The following LUZP2 variants were observed in gnomAD, a reference collection of about 807,000 sequenced individuals.
LUZP2 encodes leucine zipper protein 2.
Under a neutral mutation model 51.6 loss-of-function variants are expected in LUZP2, and 52 were observed. The ratio of observed to expected loss-of-function variants is 1.01; its 90% CI spans 0.81 to 1.27. The LOEUF is 1.27. LUZP2 is among the 50% of genes most tolerant of loss of function. The pLI is 0.00. For missense variants in LUZP2, 436 were observed against 395.4 expected, an observed-to-expected ratio of 1.10 and a Z score of -0.87; for synonymous variants, 154 against 137.3, an observed-to-expected ratio of 1.12 and a Z score of -0.85.
At chr11:25,015,047 G>T (rs924982705) in intron 9 of LUZP2, among the ~76,000 whole-genome samples, 6 of 152,114 alleles carry the variant, frequency 3.9e-5, no homozygotes, top group Non-Finnish European at 7.4e-5. Context: ...GTTTGTCAAA[G>T]ATCAGATAGT....
chr11:25,064,251 A>G (rs998576678), intron 10 of LUZP2, among the ~76,000 whole-genome samples: 1 of 152,022 alleles, frequency 6.6e-6, no homozygotes, highest in African/African-American at 2.4e-5. Flanking sequence ...CTATATTGGC[A>G]TTCATATTTA....
intron 1 of LUZP2, among the ~76,000 whole-genome samples, chr11:24,521,516 G>T (rs775880444): frequency 6.6e-6 from 1 of 152,016 alleles, no homozygotes; most frequent in Admixed American, 6.6e-5. Context: ...GCATTTCAAG[G>T]TAAGGAAGAA....
chr11:25,022,452 G>T (rs1445167168), intron 9 of LUZP2, among the ~76,000 whole-genome samples: 1 of 151,990 alleles, frequency 6.6e-6, no homozygotes, highest in African/African-American at 2.4e-5. Context: ...TAAGGCATTA[G>T]GGTTGTGGAA....
intron 5 of LUZP2, among the ~76,000 whole-genome samples, chr11:24,897,564 C>T (rs779541688): frequency 3.3e-5 from 5 of 152,090 alleles, no homozygotes; most frequent in Non-Finnish European, 1.5e-5. Flanking sequence ...CAGTTTCACT[C>T]CTGAAGCCAG....
chr11:24,969,778 C>G (rs1855692419), intron 7 of LUZP2, among the ~76,000 whole-genome samples: 2 of 152,094 alleles, frequency 1.3e-5, no homozygotes, highest in African/African-American at 4.8e-5. Flanking sequence ...TCTCACCTAG[C>G]ATGTATGGCT....
chr11:24,816,850 T>G (rs906212782), intron 5 of LUZP2, among the ~76,000 whole-genome samples: 1 of 152,118 alleles, frequency 6.6e-6, no homozygotes, highest in African/African-American at 2.4e-5. Flanking sequence ...TTTCACATTC[T>G]TTTTCTGGGC....
intron 4 of LUZP2, among the ~76,000 whole-genome samples, chr11:24,751,033 T>C (rs1226674842): frequency 6.6e-6 from 1 of 152,150 alleles, no homozygotes; most frequent in Admixed American, 6.6e-5. Context: ...TACTTATTAA[T>C]CCTCATTAAG....
At chr11:25,072,068 T>A (rs960629928) in intron 10 of LUZP2, among the ~76,000 whole-genome samples, 2 of 152,010 alleles carry the variant, frequency 1.3e-5, no homozygotes, top group African/African-American at 4.8e-5. Flanking sequence ...TTCAGTTGAT[T>A]AAATTAAAGC....
intron 1 of LUZP2, among the ~76,000 whole-genome samples, chr11:24,657,044 T>A (rs556472065): frequency 6.6e-6 from 1 of 152,276 alleles, no homozygotes; most frequent in African/African-American, 2.4e-5. Context: ...ATAATAAAAG[T>A]CTTTGCTCCT....
At chr11:24,555,622 TGTACTGAGTCCAAAG>T (rs1851843884) in intron 1 of LUZP2, among the ~76,000 whole-genome samples, 1 of 152,098 alleles carries the variant, frequency 6.6e-6, no homozygotes, top group Admixed American at 6.6e-5. Context: ...ATGAAATAAA[TGTACTGAGTCCAAAG>T]ATATTCATTC....
At chr11:25,031,607 C>A (rs545491135) in intron 9 of LUZP2, among the ~76,000 whole-genome samples, 1 of 151,800 alleles carries the variant, frequency 6.6e-6, no homozygotes, top group East Asian at 1.9e-4. Flanking sequence ...TTTTCTATTC[C>A]CACAATTTGT....
intron 7 of LUZP2, among the ~76,000 whole-genome samples, chr11:24,947,407 G>A (rs1336785407): frequency 2.0e-5 from 3 of 151,842 alleles, no homozygotes; most frequent in African/African-American, 7.2e-5. Context: ...AGTAGAGGCA[G>A]ACACACTGAA....
chr11:24,900,237 A>T (rs1188856758), intron 5 of LUZP2, among the ~76,000 whole-genome samples: 4 of 152,188 alleles, frequency 2.6e-5, no homozygotes, highest in Non-Finnish European at 5.9e-5. Context: ...AAGCTTTATA[A>T]GGTTGGTCTA....
At chr11:24,522,564 G>T (rs1419826598) in intron 1 of LUZP2, among the ~76,000 whole-genome samples, 1 of 152,038 alleles carries the variant, frequency 6.6e-6, no homozygotes. Context: ...ATAGCTCATT[G>T]TCAAAAGCTC....
chr11:24,524,536 G>A (rs1021738035), intron 1 of LUZP2, among the ~76,000 whole-genome samples: 2 of 151,720 alleles, frequency 1.3e-5, no homozygotes, highest in African/African-American at 4.8e-5. Flanking sequence ...TTTCCCTGAA[G>A]TCTTTTGAAA....
At chr11:24,919,834 A>G (rs989192292) in intron 7 of LUZP2, among the ~76,000 whole-genome samples, 1 of 151,154 alleles carries the variant, frequency 6.6e-6, no homozygotes, top group Non-Finnish European at 1.5e-5. Context: ...AAAGAAATAC[A>G]ATAGTTTACT....
At chr11:24,938,646 T>G (rs1163118193) in intron 7 of LUZP2, among the ~76,000 whole-genome samples, 1 of 152,196 alleles carries the variant, frequency 6.6e-6, no homozygotes, top group Non-Finnish European at 1.5e-5. Context: ...CTTCATGTAT[T>G]AAATTTGTTT....
At chr11:24,670,489 T>A (rs1038119922) in intron 1 of LUZP2, among the ~76,000 whole-genome samples, 1 of 152,004 alleles carries the variant, frequency 6.6e-6, no homozygotes, top group African/African-American at 2.4e-5. Context: ...ACCTGTCTTA[T>A]TTATCACATC....
chr11:24,958,197 G>T (rs1229218746), intron 7 of LUZP2, among the ~76,000 whole-genome samples: 1 of 152,124 alleles, frequency 6.6e-6, no homozygotes, highest in Non-Finnish European at 1.5e-5. Context: ...ATTGTGAATA[G>T]TGCCACAATA....
Sources: gnomAD v4.1 joint callset for allele counts (sites outside exome capture counted in the v4.1 genomes callset) on GRCh38, gnomAD v4.1.1 for gene constraint, MANE v1.5 for transcripts, NCBI Gene and HGNC (gene_info 2026-07-23, HGNC 2026-07-21) for gene names.